STOX2: variants seen among roughly 807,000 people sequenced by gnomAD.
STOX2 encodes storkhead box 2.
STOX2 carries 28 observed loss-of-function variants against 60.9 expected under a neutral mutation model. The observed-to-expected ratio is 0.46, with a 90% CI of 0.34 to 0.63. The LOEUF (loss-of-function observed/expected upper bound fraction) is 0.63, where lower values mean the gene tolerates loss of function less well. Among genes scored for constraint, STOX2 ranks in the 30% least tolerant of loss-of-function variants. STOX2 has a pLI of 0.01. For synonymous variants in STOX2, 472 were observed against 463.9 expected (o/e 1.02, Z -0.22); for missense variants, 1,024 against 1,187.7 (o/e 0.86, Z 2.03).
intron 1 of STOX2, among the ~76,000 whole-genome samples, chr4:183,920,105 T>A (rs1456865433): frequency 6.6e-6 from 1 of 152,054 alleles, no homozygotes. Context: ...AAATAACTTC[T>A]TATTTTTATT....
chr4:183,840,054 G>A (rs959276882), intron 1 of STOX2, among the ~76,000 whole-genome samples: 2 of 144,916 alleles, frequency 1.4e-5, no homozygotes, highest in Admixed American at 1.4e-4. Context: ...GTGTGTGCGC[G>A]TGTGTGTGTG....
chr4:184,003,224 T>G (rs142716659), intron 2 of STOX2, among the ~76,000 whole-genome samples: 105 of 152,346 alleles, frequency 6.9e-4, no homozygotes, highest in Admixed American at 2.2e-3. Flanking sequence ...TTTATTTTTA[T>G]ATAGCTTCAT....
At chr4:183,868,796 G>A (rs1212350874) in intron 1 of STOX2, among the ~76,000 whole-genome samples, 1 of 152,174 alleles carries the variant, frequency 6.6e-6, no homozygotes, top group Non-Finnish European at 1.5e-5. Context: ...TAAGATGTCC[G>A]GCTTAACTGA....
chr4:183,798,644 A>C, intron 1 of STOX2: 1 of 985,428 alleles, frequency 1.0e-6, no homozygotes, highest in Non-Finnish European at 1.2e-6. Flanking sequence ...CACCTGCAGC[A>C]CATCTCTCAA....
rs760956295 is a variant in STOX2, at chr4:183,825,173, G to T, written c.364+27118G>T. Among the ~76,000 whole-genome samples, 4 of 152,206 alleles carry T rather than the reference G, an allele frequency of 2.6e-5. No individual in the cohort carries two copies. Among genetic ancestry groups the T allele is most frequent in the Non-Finnish European group, 5.9e-5 (4 of 68,036 alleles). Reference sequence around the variant, plus strand: ...GGTCACCCCATGGTGTCAGGAGGTCGTGGTGGATGGTCTCAGGTCCACCAT... The same window carrying T: ...GGTCACCCCATGGTGTCAGGAGGTCTTGGTGGATGGTCTCAGGTCCACCAT... On this transcript the variant is annotated intron_variant, in intron 1 of 2. Transcript: ENST00000513034. The surrounding 1 kb of genome is among the most constrained non-coding windows in gnomAD (Gnocchi z 4.1).
intron 3 of STOX2, 45 bp from the exon 4 acceptor site, chr4:184,017,044 T>C (rs772628370): frequency 1.0e-5 from 15 of 1,487,756 alleles, no homozygotes; most frequent in African/African-American, 1.4e-5. Context: ...TTTATAATTA[T>C]TTATGTTCCA....
intron 1 of STOX2, among the ~76,000 whole-genome samples, chr4:183,977,930 C>G (rs28862299): frequency 0.047 from 7,213 of 152,214 alleles, 577 homozygotes; most frequent in African/African-American, 0.16. Flanking sequence ...CCTTTGTCCA[C>G]TTTTTAATGG....
chr4:183,885,088 G>A (rs868608176), intron 1 of STOX2, among the ~76,000 whole-genome samples: 2 of 152,158 alleles, frequency 1.3e-5, no homozygotes, highest in African/African-American at 4.8e-5. Flanking sequence ...ATAAAAACCC[G>A]TGTCTTCTGG....
intron 1 of STOX2, among the ~76,000 whole-genome samples, chr4:183,833,683 T>C (rs1311995302): frequency 6.8e-6 from 1 of 147,382 alleles, no homozygotes; most frequent in Non-Finnish European, 1.5e-5. Context: ...CCAAAGCAGG[T>C]AGAAAGAATG....
intron 1 of STOX2, among the ~76,000 whole-genome samples, chr4:183,807,092 C>T (rs1579287110): frequency 2.0e-5 from 3 of 152,294 alleles, no homozygotes; most frequent in Non-Finnish European, 2.9e-5. Context: ...CCTGCTTCAG[C>T]CTCCCGAGTA....
chr4:183,915,900 C>T (rs565012659), intron 1 of STOX2, among the ~76,000 whole-genome samples: 81 of 152,366 alleles, frequency 5.3e-4, no homozygotes, highest in African/African-American at 1.9e-3. Flanking sequence ...TTTAACCCAC[C>T]CACTGTGCGG....
In STOX2 at chr4:183,905,926, G is replaced by A. The variant is rs982538216; in HGVS notation, c.-865G>A. 1 of 152,304 alleles carries A rather than the reference G, an allele frequency of 6.6e-6. No homozygotes were observed. The highest frequency in any genetic ancestry group is 2.4e-5 in the African/African-American group (1 of 41,468). The allele number at this position is 152,304 out of a possible 1,614,324, so 9.4% of individuals were successfully genotyped here. A position where few individuals can be genotyped will look rare whatever the true frequency, so the allele number is the denominator to read the frequency against. The stretch of plus-strand genomic sequence containing the variant: ...AAGTAGGAGCATGCATGTGTAGGGG[G>A]CACATGCGTGTCGGCGCACCCACCC... On this transcript the variant is annotated 5_prime_UTR_variant, in exon 1 of 4. Transcript: ENST00000308497.
chr4:183,939,591 G>A (rs1245647713), intron 1 of STOX2, among the ~76,000 whole-genome samples: 1 of 151,908 alleles, frequency 6.6e-6, no homozygotes, highest in Non-Finnish European at 1.5e-5. Flanking sequence ...ACTACAGATG[G>A]TCACAGATTT....
chr4:183,976,095 G>A (rs1732434342), intron 1 of STOX2, among the ~76,000 whole-genome samples: 2 of 152,214 alleles, frequency 1.3e-5, no homozygotes, highest in Admixed American at 1.3e-4. Context: ...GGCAGATCAT[G>A]AAGTCAAGAA....
chr4:183,896,996 G>T (rs1216990174), intron 1 of STOX2, among the ~76,000 whole-genome samples: 1 of 152,182 alleles, frequency 6.6e-6, no homozygotes, highest in African/African-American at 2.4e-5. Context: ...AGACATTGTG[G>T]TGAGTCTTGG....
chr4:183,850,381 A>T (rs975141422), intron 1 of STOX2, among the ~76,000 whole-genome samples: 1 of 152,168 alleles, frequency 6.6e-6, no homozygotes, highest in Non-Finnish European at 1.5e-5. Flanking sequence ...TGTGCTTATT[A>T]TTCTTTATGA....
chr4:183,898,714 A>C (rs772242801), intron 1 of STOX2, among the ~76,000 whole-genome samples: 1 of 152,168 alleles, frequency 6.6e-6, no homozygotes, highest in Non-Finnish European at 1.5e-5. Flanking sequence ...GTGACAATGA[A>C]AATGACAGGG....
intron 1 of STOX2, among the ~76,000 whole-genome samples, chr4:183,912,124 T>C (rs556056838): frequency 6.6e-6 from 1 of 152,340 alleles, no homozygotes; most frequent in Admixed American, 6.5e-5. Context: ...TCTCTTCCTC[T>C]TCATCTCTGT....
chr4:183,929,241 G>C (rs1224273516), intron 1 of STOX2, among the ~76,000 whole-genome samples: 3 of 152,208 alleles, frequency 2.0e-5, no homozygotes, highest in Non-Finnish European at 4.4e-5. Flanking sequence ...GAGACCAAAA[G>C]AGTTCAGAGC....
Sources: gnomAD v4.1 joint callset for allele counts (sites outside exome capture counted in the v4.1 genomes callset) on GRCh38, gnomAD v4.1.1 for gene constraint, Gnocchi (gnomAD v3.1) non-coding constraint, MANE v1.5 for transcripts, NCBI Gene and HGNC (gene_info 2026-07-23, HGNC 2026-07-21) for gene names.